Variants in PCNT observed in about 807,000 individuals in gnomAD.
The protein encoded by PCNT is pericentrin.
PCNT carries 319 observed loss-of-function variants against 380.4 expected under a neutral mutation model. The observed-to-expected ratio is 0.84, with a 90% CI of 0.77 to 0.92. PCNT has a LOEUF of 0.92. Ranked by LOEUF, PCNT falls within the 40% of genes least tolerant of loss-of-function variation. The pLI is 0.00. For missense variants in PCNT, 4,400 were observed against 4,255.3 expected (o/e 1.03, Z -0.95); for synonymous variants, 1,845 against 1,735.2 (o/e 1.06, Z -1.57).
At position 46,416,804 on chromosome 21, in the gene PCNT, C is replaced by T; in HGVS notation, c.6886C>T (p.Pro2296Ser). The T allele has an allele frequency of 6.3e-7, 1 of 1,599,102 alleles. No individual in the cohort carries two copies. The highest frequency in any genetic ancestry group is 1.1e-5 in the South Asian group (1 of 90,950). Residue 2296 changes from proline to serine, a missense_variant, in exon 30 of 47, where the codon CCG becomes TCG. Physicochemically the swap from Pro to Ser is moderately conservative, Grantham distance 74. Coordinates refer to ENST00000359568, the MANE Select transcript of PCNT (RefSeq NM_006031.6). ...ALALQWAESP[P>S]ADDHHVQRTA... Reference sequence around the variant, plus strand: ...GGCACTGCAGTGGGCCGAGTCTCCGCCGGCTGACGACCACCATGTGCAGAG... The same window carrying T: ...GGCACTGCAGTGGGCCGAGTCTCCGTCGGCTGACGACCACCATGTGCAGAG...
At chr21:46,415,417 G>A (rs2330433) in intron 29 of PCNT, among the ~76,000 whole-genome samples, 17,484 of 119,524 alleles carry the variant, frequency 0.15, 3,144 homozygotes, top group African/African-American at 0.44. Context: ...TCGCTCTGTC[G>A]CCCAGGCTGG....
chr21:46,370,606 T>C (rs1031225934), intron 15 of PCNT, among the ~76,000 whole-genome samples: 4 of 152,036 alleles, frequency 2.6e-5, no homozygotes, highest in Non-Finnish European at 5.9e-5. Flanking sequence ...ATTTAGTTGC[T>C]CTTATAAATC....
chr21:46,415,365 ATTTTTTTTTTTTT>A (rs35983555), intron 29 of PCNT, among the ~76,000 whole-genome samples: 32 of 65,306 alleles, frequency 4.9e-4, no homozygotes, highest in South Asian at 3.4e-3. Context: ...GTTTCTTTGA[ATTTTTTTTTTTTT>A]TTTTTTTTTT....
intron 27 of PCNT, among the ~76,000 whole-genome samples, chr21:46,410,459 T>A (rs1166008067): frequency 2.0e-5 from 3 of 152,252 alleles, no homozygotes; most frequent in Non-Finnish European, 4.4e-5. Flanking sequence ...AATTTTTCTA[T>A]TTTTTGTCAT....
Position 46,425,204 on chromosome 21 carries a change from G to A in PCNT, c.7180-627G>A, listed in dbSNP as rs1275713306. Among the ~76,000 whole-genome samples the A allele has an allele frequency of 3.3e-5, 5 of 152,146 alleles. No homozygotes were observed. The highest frequency in any genetic ancestry group is 6.5e-5 in the Admixed American group (1 of 15,276). On this transcript the variant is annotated intron_variant, in intron 32 of 46. Coordinates refer to ENST00000359568, the MANE Select transcript of PCNT (RefSeq NM_006031.6). The surrounding 1 kb of genome is among the most constrained non-coding windows in gnomAD (Gnocchi z 4.2). ...CTGCTTACCCCTCAGCCTCTCTGGCGAGACAGTCAAGTGTGTGTCCGGACA... is the reference window on the plus strand; with the variant it reads ...CTGCTTACCCCTCAGCCTCTCTGGCAAGACAGTCAAGTGTGTGTCCGGACA...
chr21:46,402,417 G>A lies in PCNT; in HGVS notation c.5049G>A (p.Leu1683=). 5 of 1,613,742 alleles carry A rather than the reference G, an allele frequency of 3.1e-6. No homozygotes were observed. The highest frequency in any genetic ancestry group is 4.2e-6 in the Non-Finnish European group (5 of 1,179,642). The change falls in exon 27 of 47, where the codon TTG becomes TTA. Residue 1683 remains leucine (L), a synonymous_variant. Transcript: ENST00000359568. ...NEEILHLNLK[L]DMQNSQTAVS... The stretch of plus-strand genomic sequence containing the variant: ...AAATACTACATCTGAACTTAAAATT[G>A]GACATGCAGAACAGCCAGACTGCTG...
Position 46,416,216 on chromosome 21 carries a change from A to G in PCNT, c.6298A>G (p.Met2100Val), listed in dbSNP as rs777875886. The G allele has an allele frequency of 6.8e-6, 11 of 1,614,082 alleles. No homozygotes were observed. Among genetic ancestry groups the G allele is most frequent in the South Asian group, 1.1e-5 (1 of 91,082 alleles). ...TGCCGACACCAAATCTCTGTGGCCC[A>G]TGGCCTCAGCACACCTGTTGGAGAG... is the stretch of plus-strand genomic sequence containing the variant. ...DAADTKSLWP[M>V]ASAHLLESSW... Residue 2100 changes from methionine to valine, a missense_variant, in exon 30 of 47, where the codon ATG becomes GTG. Coordinates refer to ENST00000359568, the MANE Select transcript of PCNT (RefSeq NM_006031.6).
At chr21:46,324,355 C>A in intron 1 of PCNT, 73 bp downstream of exon 1, 2 of 1,268,598 alleles carry the variant, frequency 1.6e-6, no homozygotes, top group Admixed American at 2.0e-5. Flanking sequence ...CCCGCCACCG[C>A]CCCCTGCCAG....
intron 10 of PCNT, 29 bp downstream of exon 10, chr21:46,353,355 G>A (rs1230444181): frequency 1.3e-6 from 2 of 1,582,574 alleles, no homozygotes; most frequent in African/African-American, 2.7e-5. Context: ...GCCTCAGTGA[G>A]TTTCTGCCAT....
At chr21:46,433,041 A>C (rs1034048077) in intron 38 of PCNT, among the ~76,000 whole-genome samples, 1 of 152,202 alleles carries the variant, frequency 6.6e-6, no homozygotes, top group Non-Finnish European at 1.5e-5. Context: ...TCATTCCGTC[A>C]CTCAGGCTGG....
At position 46,334,384 on chromosome 21, in the gene PCNT, C is replaced by T; in HGVS notation, c.268-13C>T. ...TTGCTTTAAATGCTTCTTTCTGGTC[C>T]TCCCCTTCTTAGCCGGAGGACTGTG... is the stretch of plus-strand genomic sequence containing the variant. On this transcript the variant is annotated splice_polypyrimidine_tract_variant and intron_variant, in intron 2 of 46. Coordinates refer to ENST00000359568, the MANE Select transcript of PCNT (RefSeq NM_006031.6). 6.2e-7 allele frequency: 1 copy of T among 1,614,116 alleles called. No homozygotes were observed. The highest frequency in any genetic ancestry group is 8.5e-7 in the Non-Finnish European group (1 of 1,179,992).
intron 40 of PCNT, 52 bp downstream of exon 40, chr21:46,437,133 C>T (rs1421481150): frequency 1.7e-6 from 2 of 1,205,956 alleles, no homozygotes; most frequent in Non-Finnish European, 2.5e-6. Context: ...CCCAGAGGGG[C>T]CCTCTCGGCA....
intron 2 of PCNT, among the ~76,000 whole-genome samples, chr21:46,332,274 G>A (rs968083048): frequency 1.3e-5 from 2 of 152,160 alleles, no homozygotes; most frequent in African/African-American, 2.4e-5. Flanking sequence ...TAAGAAGTGT[G>A]GTTCTAGCAC....
At chr21:46,391,741 C>T (rs895949079) in intron 21 of PCNT, among the ~76,000 whole-genome samples, 5 of 152,216 alleles carry the variant, frequency 3.3e-5, no homozygotes, top group Non-Finnish European at 7.3e-5. Flanking sequence ...CTGATATTAA[C>T]CCTCATTAGG....
chr21:46,406,956 T>C (rs1005620716), intron 27 of PCNT, among the ~76,000 whole-genome samples: 1 of 152,268 alleles, frequency 6.6e-6, no homozygotes, highest in African/African-American at 2.4e-5. Flanking sequence ...TTACTGAATT[T>C]GATTTGCTAA....
intron 39 of PCNT, 64 bp from the exon 40 acceptor site, chr21:46,436,915 T>C: frequency 1.8e-6 from 2 of 1,137,964 alleles, no homozygotes; most frequent in South Asian, 2.5e-5. Context: ...GAGCTCTTGT[T>C]TAGTTTTGCA....
At chr21:46,324,904 T>C in intron 1 of PCNT, 1 of 985,476 alleles carries the variant, frequency 1.0e-6, no homozygotes, top group Non-Finnish European at 1.2e-6. Context: ...CAGTCCTTAC[T>C]GTGTGAAAGG....
chr21:46,381,910 G>C (rs573567800), intron 16 of PCNT, 70 bp downstream of exon 16: 1 of 1,540,248 alleles, frequency 6.5e-7, no homozygotes, highest in Non-Finnish European at 9.0e-7. Context: ...CTTTATTTCA[G>C]TGCACAGTTC....
intron 1 of PCNT, 44 bp downstream of exon 1, chr21:46,324,326 C>G: frequency 6.6e-7 from 1 of 1,518,072 alleles, no homozygotes; most frequent in Non-Finnish European, 9.0e-7. Flanking sequence ...GGCGTGAAGT[C>G]CTAAGGGCGG....
Sources: allele counts gnomAD v4.1 joint callset (sites outside exome capture counted in the v4.1 genomes callset), GRCh38; gene constraint gnomAD v4.1.1; non-coding constraint Gnocchi (gnomAD v3.1); transcripts MANE v1.5; gene names NCBI Gene and HGNC (gene_info 2026-07-23, HGNC 2026-07-21).